Variants in KAT2B observed in about 807,000 individuals in gnomAD.
KAT2B encodes histone acetyltransferase KAT2B.
In KAT2B, 36 loss-of-function variants were observed where a neutral mutation model predicts 105.9. The observed-to-expected ratio is 0.34, with a 90% confidence interval of 0.26 to 0.45. The LOEUF is 0.45. KAT2B is among the 20% of genes least tolerant of loss of function. The pLI is 1.00. For missense variants in KAT2B, 820 were observed against 1,021.6 expected, an observed-to-expected ratio of 0.80 and a Z score of 2.69; for synonymous variants, 397 against 377.9, an observed-to-expected ratio of 1.05 and a Z score of -0.59.
intron 14 of KAT2B, among the ~76,000 whole-genome samples, chr3:20,147,663 T>C (rs535719013): frequency 6.6e-6 from 1 of 152,298 alleles, no homozygotes; most frequent in East Asian, 1.9e-4. Context: ...AAATTTGACT[T>C]TCAGTTTAAA....
At chr3:20,107,607 A>C (rs770233547) in intron 5 of KAT2B, among the ~76,000 whole-genome samples, 68 of 146,950 alleles carry the variant, frequency 4.6e-4, no homozygotes, top group Non-Finnish European at 6.3e-4. Context: ...CAGTGAGTCG[A>C]GATCATGCCA....
At chr3:20,092,310 C>T (rs1698733965) in intron 2 of KAT2B, among the ~76,000 whole-genome samples, 1 of 151,326 alleles carries the variant, frequency 6.6e-6, no homozygotes, top group Non-Finnish European at 1.5e-5. Flanking sequence ...CTCACTGCAG[C>T]CTCCACCTCA....
intron 13 of KAT2B, among the ~76,000 whole-genome samples, chr3:20,143,974 C>T (rs1699738348): frequency 1.3e-5 from 2 of 152,088 alleles, no homozygotes. Context: ...GAAGCCCAAA[C>T]CTCAGCATCA....
intron 1 of KAT2B, 66 bp from the exon 2 acceptor site, chr3:20,072,267 A>T (rs1698337726): frequency 2.0e-6 from 3 of 1,521,174 alleles, no homozygotes; most frequent in African/African-American, 1.4e-5. Flanking sequence ...CATTGTTCTC[A>T]TGTAAAACCA....
At chr3:20,118,415 AAGAG>A (rs1699246411) in intron 7 of KAT2B, among the ~76,000 whole-genome samples, 1 of 148,700 alleles carries the variant, frequency 6.7e-6, no homozygotes, top group African/African-American at 2.5e-5. Flanking sequence ...GAGAGAAAAA[AAGAG>A]AAAGAGAGCT....
intron 1 of KAT2B, among the ~76,000 whole-genome samples, chr3:20,045,374 A>G (rs921219068): frequency 2.0e-5 from 3 of 150,614 alleles, no homozygotes; most frequent in African/African-American, 7.3e-5. Flanking sequence ...TTTTAGAGAC[A>G]GGGTCTTGCT....
intron 1 of KAT2B, among the ~76,000 whole-genome samples, chr3:20,053,988 G>C (rs1040998700): frequency 5.9e-5 from 9 of 152,100 alleles, no homozygotes; most frequent in African/African-American, 2.2e-4. Flanking sequence ...AGTAGAGATG[G>C]GGTCTCGCCA....
At chr3:20,092,236 T>TTTATTTATTTATTAA (rs56239971) in intron 2 of KAT2B, among the ~76,000 whole-genome samples, 2 of 103,456 alleles carry the variant, frequency 1.9e-5, no homozygotes, top group African/African-American at 3.0e-5. Context: ...TATTTATTTA[T>TTTATTTATTTATTAA]TTATTTATTT....
chr3:20,066,006 TAC>T (rs1698217401), intron 1 of KAT2B, among the ~76,000 whole-genome samples: 1 of 152,120 alleles, frequency 6.6e-6, no homozygotes, highest in Admixed American at 6.5e-5. Context: ...AAACAACAAA[TAC>T]AGTTTTTTTT....
chr3:20,138,284 T>C (rs1559330137), intron 12 of KAT2B, among the ~76,000 whole-genome samples: 2 of 152,182 alleles, frequency 1.3e-5, no homozygotes. Flanking sequence ...CTTTTTAGTA[T>C]TTTTTCTGTG....
chr3:20,057,907 T>C (rs1698028398), intron 1 of KAT2B, among the ~76,000 whole-genome samples: 1 of 152,204 alleles, frequency 6.6e-6, no homozygotes, highest in African/African-American at 2.4e-5. Context: ...CAGTTTCTTA[T>C]TCAACTCCAG....
chr3:20,099,386 T>G (rs1339457392), intron 3 of KAT2B, among the ~76,000 whole-genome samples: 1 of 152,224 alleles, frequency 6.6e-6, no homozygotes, highest in African/African-American at 2.4e-5. Flanking sequence ...TGGCCTCTTT[T>G]GTGCAGAATA....
intron 2 of KAT2B, among the ~76,000 whole-genome samples, chr3:20,091,578 A>G (rs948011238): frequency 2.6e-5 from 4 of 151,902 alleles, no homozygotes; most frequent in Non-Finnish European, 5.9e-5. Context: ...GAGGTGTAAC[A>G]TTAGGTTGTT....
chr3:20,109,086 A>G (rs981314614), intron 5 of KAT2B, among the ~76,000 whole-genome samples: 2 of 152,196 alleles, frequency 1.3e-5, no homozygotes, highest in Admixed American at 1.3e-4. Context: ...TTGCACAATG[A>G]TAAAATCACC....
chr3:20,086,965 A>G (rs1045140250), intron 2 of KAT2B, among the ~76,000 whole-genome samples: 6 of 152,062 alleles, frequency 3.9e-5, no homozygotes, highest in African/African-American at 1.4e-4. Flanking sequence ...TATTTTGAGT[A>G]GAGATGGGGT....
intron 2 of KAT2B, among the ~76,000 whole-genome samples, chr3:20,074,473 G>A (rs1166934971): frequency 6.6e-6 from 1 of 152,170 alleles, no homozygotes; most frequent in East Asian, 1.9e-4. Context: ...GGATCATTGT[G>A]AGGATTAAAT....
intron 1 of KAT2B, among the ~76,000 whole-genome samples, chr3:20,061,990 A>ATATATAAAACATATAATATATAT (rs1559513899): frequency 8.9e-5 from 6 of 67,192 alleles, no homozygotes; most frequent in Non-Finnish European, 1.5e-4. Flanking sequence ...AAAACATATA[A>ATATATAAAACATATAATATATAT]TATATAAAAC....
chr3:20,082,957 A>G (rs1370732899), intron 2 of KAT2B, among the ~76,000 whole-genome samples: 1 of 152,166 alleles, frequency 6.6e-6, no homozygotes, highest in Non-Finnish European at 1.5e-5. Flanking sequence ...AAAAACAAAC[A>G]ACTCCCTGGG....
chr3:20,134,615 T>C (rs1699569357), intron 11 of KAT2B, among the ~76,000 whole-genome samples: 2 of 152,032 alleles, frequency 1.3e-5, no homozygotes, highest in African/African-American at 2.4e-5. Context: ...CACCATGTTG[T>C]TCAGGATGGT....
Sources: gnomAD v4.1 joint callset for allele counts (sites outside exome capture counted in the v4.1 genomes callset) on GRCh38, gnomAD v4.1.1 for gene constraint, MANE v1.5 for transcripts, NCBI Gene and HGNC (gene_info 2026-07-23, HGNC 2026-07-21) for gene names.